Variants in CACNA1C observed in about 807,000 individuals in gnomAD.
The protein encoded by CACNA1C is calcium voltage-gated channel subunit alpha1 C.
Under a neutral mutation model 229.0 loss-of-function variants are expected in CACNA1C, and 30 were observed. That is an observed-to-expected ratio of 0.13 (90% confidence interval 0.10 to 0.18). The LOEUF (loss-of-function observed/expected upper bound fraction) is 0.18. CACNA1C is among the 10% of genes least tolerant of loss of function. The probability of loss-of-function intolerance (pLI) is 1.00; values close to 1 mark genes in which losing one functional copy is unlikely to be tolerated. For synonymous variants in CACNA1C, 1,114 were observed against 1,132.5 expected, an observed-to-expected ratio of 0.98 and a Z score of 0.33; for missense variants, 1,658 against 2,845.0, an observed-to-expected ratio of 0.58 and a Z score of 9.49.
intron 30 of CACNA1C, among the ~76,000 whole-genome samples, chr12:2,635,065 C>T (rs1603055599): frequency 6.6e-6 from 1 of 152,138 alleles, no homozygotes; most frequent in African/African-American, 2.4e-5. Flanking sequence ...TGGTGGGTGA[C>T]GTACTGAGAG....
chr12:2,314,680 C>T (rs553098187), intron 3 of CACNA1C, among the ~76,000 whole-genome samples: 12 of 152,260 alleles, frequency 7.9e-5, no homozygotes, highest in South Asian at 4.1e-4. Flanking sequence ...TCATGTTCAT[C>T]GGTGTATAGT....
rs1280097650 is a variant in CACNA1C at position 2,053,306 on chromosome 12, C to T, written c.-257C>T. The T allele has an allele frequency of 8.3e-7, 1 of 1,211,710 alleles. No individual in the cohort carries two copies. The allele number at this position is 1,211,710 out of a possible 1,614,324, so 75.1% of individuals were successfully genotyped here. On this transcript the variant is annotated 5_prime_UTR_variant, in exon 1 of 47. Coordinates refer to ENST00000399655, the MANE Select transcript of CACNA1C (RefSeq NM_000719.7). This position sits in a 1 kb window ranked among gnomAD's most constrained non-coding sequence, Gnocchi z 5.8. ...TGCGGTGCTCAGTTCTTGGAAGGGG[C>T]CCGGATGTACTGAGGATGCGTTACA...
In CACNA1C at chr12:2,294,390, A is replaced by G. The variant is rs186723527; in HGVS notation, c.478-154586A>G. ...GCTGCTGAGGAAGGTGGAGCTGGAA[A>G]CGTAGATTGGAGTCAAAGCACGAAG... On this transcript the variant is annotated intron_variant, in intron 3 of 46. Coordinates refer to ENST00000399655, the MANE Select transcript of CACNA1C (RefSeq NM_000719.7). 1.1e-3 allele frequency among the ~76,000 whole-genome samples: 163 copies of G among 152,054 alleles called. 1 individual carries two copies. Among genetic ancestry groups the G allele is most frequent in the African/African-American group, 3.9e-3 (161 of 41,466 alleles).
chr12:2,666,840 A>G lies in CACNA1C; in HGVS notation c.4623+58A>G. On this transcript the variant is annotated intron_variant, in intron 37 of 46. Coordinates refer to ENST00000399655, the MANE Select transcript of CACNA1C (RefSeq NM_000719.7). The surrounding 1 kb of genome is among the most constrained non-coding windows in gnomAD (Gnocchi z 5.3). Reference sequence around the variant, plus strand: ...GGAAAATAGGGGAAGTGAAGTGCCCATTTCTTGTGATCCTTTAAGGGAATG... The same window carrying G: ...GGAAAATAGGGGAAGTGAAGTGCCCGTTTCTTGTGATCCTTTAAGGGAATG... 5 of 979,016 alleles carry G rather than the reference A, an allele frequency of 5.1e-6. No homozygotes were observed. Among genetic ancestry groups the G allele is most frequent in the Non-Finnish European group, 8.0e-6 (5 of 627,996 alleles). 60.6% of individuals were successfully genotyped at this position (979,016 alleles called of 1,614,324 possible).
chr12:2,552,029 T>G (rs2041540137), intron 10 of CACNA1C, among the ~76,000 whole-genome samples: 1 of 151,934 alleles, frequency 6.6e-6, no homozygotes, highest in South Asian at 2.1e-4. Context: ...CAGAGTGAAG[T>G]GGAAAACAAG....
intron 3 of CACNA1C, among the ~76,000 whole-genome samples, chr12:2,397,931 A>G (rs897462262): frequency 6.6e-6 from 1 of 152,244 alleles, no homozygotes; most frequent in Non-Finnish European, 1.5e-5. Flanking sequence ...GGCAGGCAGG[A>G]AGGACTTTGA....
At chr12:2,019,483 AAAAG>A (rs1368819312) in intron 1 of CACNA1C, among the ~76,000 whole-genome samples, 7 of 139,802 alleles carry the variant, frequency 5.0e-5, no homozygotes, top group Non-Finnish European at 9.3e-5. Context: ...ACAAAGAAAG[AAAAG>A]AAAGGGAGGG....
intron 3 of CACNA1C, among the ~76,000 whole-genome samples, chr12:2,359,212 T>C (rs565633971): frequency 3.3e-5 from 5 of 152,372 alleles, no homozygotes; most frequent in Admixed American, 1.3e-4. Flanking sequence ...CATTCGATTC[T>C]GTTTCCTCCC....
intron 1 of CACNA1C, among the ~76,000 whole-genome samples, chr12:2,069,353 A>T (rs1227955754): frequency 6.6e-6 from 1 of 152,224 alleles, no homozygotes; most frequent in African/African-American, 2.4e-5. Context: ...ACGGAGCCTT[A>T]TGGAAAGATT....
intron 3 of CACNA1C, among the ~76,000 whole-genome samples, chr12:2,149,174 T>C (rs964144925): frequency 6.6e-6 from 1 of 152,146 alleles, no homozygotes; most frequent in Non-Finnish European, 1.5e-5. Flanking sequence ...ACAAAGGATG[T>C]TGAGGAAGAA....
chr12:2,581,910 AGCCCTGGAGAGCCCAT>A, intron 14 of CACNA1C, 113 bp downstream of exon 14: 1 of 617,746 alleles, frequency 1.6e-6, no homozygotes, highest in Non-Finnish European at 2.9e-6. Flanking sequence ...ATCCTAGATC[AGCCCTGGAGAGCCCAT>A]GCCCGGGAGA....
intron 3 of CACNA1C, among the ~76,000 whole-genome samples, chr12:2,324,989 G>A (rs2096224590): frequency 6.6e-6 from 1 of 152,212 alleles, no homozygotes; most frequent in African/African-American, 2.4e-5. Flanking sequence ...GAGGCTCAGA[G>A]AGGTTAAATG....
intron 3 of CACNA1C, among the ~76,000 whole-genome samples, chr12:2,361,533 C>T (rs1030005902): frequency 6.6e-6 from 1 of 152,138 alleles, no homozygotes; most frequent in Non-Finnish European, 1.5e-5. Flanking sequence ...TCCCTCCTTC[C>T]CAGGGTGCAG....
intron 1 of CACNA1C, among the ~76,000 whole-genome samples, chr12:2,076,946 G>A (rs1241577006): frequency 6.6e-6 from 1 of 152,264 alleles, no homozygotes; most frequent in African/African-American, 2.4e-5. Flanking sequence ...GAATCCAGGA[G>A]AGGGCTGAAG....
At chr12:2,241,097 A>G (rs7975467) in intron 3 of CACNA1C, among the ~76,000 whole-genome samples, 14,868 of 152,026 alleles carry the variant, frequency 0.098, 1,308 homozygotes, top group East Asian at 0.27. Flanking sequence ...GAAGAGGGCA[A>G]GCATTTCCTT....
At chr12:2,212,371 A>G (rs1478887175) in intron 3 of CACNA1C, among the ~76,000 whole-genome samples, 1 of 152,198 alleles carries the variant, frequency 6.6e-6, no homozygotes, top group Non-Finnish European at 1.5e-5. Flanking sequence ...ATTATTACAT[A>G]TTATCTGAAT....
At chr12:2,620,015 C>CATTTAGAAGCA (rs2082462951) in intron 29 of CACNA1C, among the ~76,000 whole-genome samples, 1 of 152,138 alleles carries the variant, frequency 6.6e-6, no homozygotes, top group Non-Finnish European at 1.5e-5. Context: ...AATGCCTACA[C>CATTTAGAAGCA]CTGAGATCAA....
chr12:2,620,689 C>T (rs1413331222), intron 29 of CACNA1C, among the ~76,000 whole-genome samples: 1 of 152,212 alleles, frequency 6.6e-6, no homozygotes, highest in African/African-American at 2.4e-5. Context: ...CAGGTGGGCT[C>T]AGGAAAGTGA....
upstream of CACNA1C, among the ~76,000 whole-genome samples, chr12:2,051,519 C>A (rs1419858554): frequency 6.6e-6 from 1 of 152,104 alleles, no homozygotes; most frequent in Non-Finnish European, 1.5e-5. Flanking sequence ...GGAAGGTAGA[C>A]CAGGGGGATC....
Sources: allele counts gnomAD v4.1 joint callset (sites outside exome capture counted in the v4.1 genomes callset), GRCh38; gene constraint gnomAD v4.1.1; non-coding constraint Gnocchi (gnomAD v3.1); transcripts MANE v1.5; gene names NCBI Gene and HGNC (gene_info 2026-07-23, HGNC 2026-07-21).